CDH12: variants seen among roughly 807,000 people sequenced by gnomAD.
The protein encoded by CDH12 is cadherin-12.
In CDH12, 41 loss-of-function variants were observed where a neutral mutation model predicts 74.1. The ratio of observed to expected loss-of-function variants is 0.55; its 90% CI spans 0.43 to 0.72. The LOEUF (loss-of-function observed/expected upper bound fraction) is 0.72, where lower values mean the gene tolerates loss of function less well. Among genes scored for constraint, CDH12 ranks in the 30% least tolerant of loss-of-function variants. The pLI is 0.00. For synonymous variants in CDH12, 399 were observed against 355.0 expected, an observed-to-expected ratio of 1.12 and a Z score of -1.39; for missense variants, 945 against 977.2, an observed-to-expected ratio of 0.97 and a Z score of 0.44.
chr5:22,254,133 A>G (rs899451346), intron 3 of CDH12, among the ~76,000 whole-genome samples: 1 of 151,806 alleles, frequency 6.6e-6, no homozygotes, highest in Non-Finnish European at 1.5e-5. Flanking sequence ...TTGCTCTTTA[A>G]TGTAACCTGA....
At chr5:21,773,129 G>A (rs1251236590) in intron 11 of CDH12, among the ~76,000 whole-genome samples, 1 of 152,092 alleles carries the variant, frequency 6.6e-6, no homozygotes, top group Non-Finnish European at 1.5e-5. Flanking sequence ...TATTTCCGAT[G>A]TATATGATAC....
intron 14 of CDH12, among the ~76,000 whole-genome samples, chr5:21,752,770 GAAGGAAGTAGAGGAAGA>G (rs1413318993): frequency 1.3e-5 from 2 of 152,064 alleles, no homozygotes; most frequent in African/African-American, 2.4e-5. Flanking sequence ...AGGAAAGAAG[GAAGGAAGTAGAGGAAGA>G]AAGGAAGTAG....
In CDH12 at chr5:22,120,207, C is replaced by T. The variant is rs553302747; in HGVS notation, c.-186-41345G>A. ...GGTTAATTGTGTTTTTATTGAGTAT[C>T]ATCATAGTTGTGTTGCACTACATAA... On this transcript the variant is annotated intron_variant, in intron 4 of 14. Transcript: ENST00000382254. 2.0e-3 allele frequency among the ~76,000 whole-genome samples: 308 copies of T among 152,208 alleles called. 1 individual carries two copies. The highest frequency in any genetic ancestry group is 7.0e-3 in the African/African-American group (291 of 41,538).
intron 2 of CDH12, among the ~76,000 whole-genome samples, chr5:22,438,089 T>G (rs1744478568): frequency 1.3e-5 from 2 of 151,996 alleles, no homozygotes; most frequent in Non-Finnish European, 2.9e-5. Flanking sequence ...TTGGTGTACT[T>G]ATCTTTACTT....
intron 4 of CDH12, among the ~76,000 whole-genome samples, chr5:22,113,270 G>A (rs1207025203): frequency 1.3e-5 from 2 of 152,126 alleles, no homozygotes; most frequent in Admixed American, 6.6e-5. Context: ...ATTTACATCT[G>A]TAAAGAATCT....
At chr5:21,854,826 TTTTACTAC>T (rs758653784) in intron 6 of CDH12, 36 bp from the exon 7 acceptor site, 1 of 1,589,332 alleles carries the variant, frequency 6.3e-7, no homozygotes, top group Admixed American at 1.8e-5. Context: ...AGCATTTTTG[TTTTACTAC>T]TTTCAAGGTC....
chr5:22,715,348 T>C (rs1743518186), intron 1 of CDH12, among the ~76,000 whole-genome samples: 1 of 152,232 alleles, frequency 6.6e-6, no homozygotes, highest in African/African-American at 2.4e-5. Context: ...GTCAGTCCCA[T>C]CTGAAGGCAG....
intron 1 of CDH12, among the ~76,000 whole-genome samples, chr5:22,668,856 C>G (rs936802923): frequency 2.6e-5 from 4 of 152,042 alleles, no homozygotes; most frequent in African/African-American, 9.6e-5. Context: ...TATCTCTTCT[C>G]CTCCCTCCTC....
At chr5:22,080,277 T>C (rs1187649216) in intron 4 of CDH12, among the ~76,000 whole-genome samples, 1 of 152,182 alleles carries the variant, frequency 6.6e-6, no homozygotes, top group African/African-American at 2.4e-5. Context: ...AATAAAAACA[T>C]TTAATGAGTT....
intron 3 of CDH12, among the ~76,000 whole-genome samples, chr5:22,278,735 G>A (rs1397877546): frequency 1.3e-5 from 2 of 151,996 alleles, no homozygotes; most frequent in African/African-American, 4.8e-5. Flanking sequence ...GTCACATTTA[G>A]TCTACCCTCT....
chr5:22,410,486 C>G (rs376907336), intron 2 of CDH12, among the ~76,000 whole-genome samples: 1 of 152,228 alleles, frequency 6.6e-6, no homozygotes, highest in South Asian at 2.1e-4. Flanking sequence ...GGTTTCCCCA[C>G]TCACAGCATT....
intron 3 of CDH12, among the ~76,000 whole-genome samples, chr5:22,308,809 A>C (rs1448517980): frequency 8.2e-5 from 7 of 85,360 alleles, no homozygotes; most frequent in Admixed American, 1.4e-4. Flanking sequence ...CAAATACACA[A>C]ACACACACAC....
chr5:22,101,645 A>C lies in CDH12; in HGVS notation c.-186-22783T>G, dbSNP rs961632919. On this transcript the variant is annotated intron_variant, in intron 4 of 14. Transcript: ENST00000382254. Reference sequence around the variant, plus strand: ...AAGAAAATTAAAAGAAAACTCAAAAATTAAGGTCTATGAGAAAACACATAG... The same window carrying C: ...AAGAAAATTAAAAGAAAACTCAAAACTTAAGGTCTATGAGAAAACACATAG... 1.3e-4 allele frequency among the ~76,000 whole-genome samples: 20 copies of C among 152,212 alleles called. 1 individual carries two copies. Among genetic ancestry groups the C allele is most frequent in the African/African-American group, 4.3e-4 (18 of 41,466 alleles).
chr5:21,845,693 T>C (rs902714893), intron 7 of CDH12, among the ~76,000 whole-genome samples: 1 of 152,118 alleles, frequency 6.6e-6, no homozygotes, highest in Non-Finnish European at 1.5e-5. Flanking sequence ...CTGTTTACCT[T>C]TCTTTAGCAG....
intron 6 of CDH12, among the ~76,000 whole-genome samples, chr5:21,859,982 T>C (rs183767047): frequency 6.6e-6 from 1 of 151,928 alleles, no homozygotes; most frequent in East Asian, 2.0e-4. Context: ...GCCCGGACTC[T>C]TCAGAAATGA....
chr5:22,380,016 C>T (rs1017532481), intron 3 of CDH12, among the ~76,000 whole-genome samples: 1 of 152,180 alleles, frequency 6.6e-6, no homozygotes, highest in African/African-American at 2.4e-5. Flanking sequence ...GCCTTGGCCT[C>T]CCAAAGTACT....
intron 1 of CDH12, among the ~76,000 whole-genome samples, chr5:22,846,500 G>A (rs1737309430): frequency 6.6e-6 from 1 of 152,044 alleles, no homozygotes; most frequent in African/African-American, 2.4e-5. Flanking sequence ...CAGAAAAAGA[G>A]AATAAGAAGA....
intron 1 of CDH12, among the ~76,000 whole-genome samples, chr5:22,800,704 C>T (rs904085142): frequency 4.6e-5 from 7 of 152,144 alleles, no homozygotes; most frequent in Admixed American, 3.3e-4. Flanking sequence ...CTTTTCATAC[C>T]TCTCTCCTAA....
At chr5:22,814,825 G>T (rs1424536436) in intron 1 of CDH12, among the ~76,000 whole-genome samples, 1 of 152,118 alleles carries the variant, frequency 6.6e-6, no homozygotes, top group Non-Finnish European at 1.5e-5. Context: ...ATGATTAATA[G>T]ATCATTGAAA....
Sources: allele counts gnomAD v4.1 joint callset (sites outside exome capture counted in the v4.1 genomes callset), GRCh38; gene constraint gnomAD v4.1.1; transcripts MANE v1.5; gene names NCBI Gene and HGNC (gene_info 2026-07-23, HGNC 2026-07-21).